The following ARK2C variants were observed in gnomAD, a reference collection of about 807,000 sequenced individuals.
ARK2C encodes the protein arkadia (RNF111) C-terminal like ring finger ubiquitin ligase 2C.
At chr18:46,349,061 G>A in the ARK2C span, among the ~76,000 whole-genome samples, 1 of 152,060 alleles carries the variant, frequency 6.6e-6, no homozygotes. Context: ...CTTATACTGT[G>A]GAGGTAGGGA....
the ARK2C span, chr18:46,450,445 T>C: frequency 2.2e-6 from 3 of 1,373,584 alleles, no homozygotes; most frequent in Non-Finnish European, 3.1e-6. Flanking sequence ...GGAGATGCCA[T>C]TATTGTTATC....
At chr18:46,447,654 A>G in the ARK2C span, 1 of 1,614,028 alleles carries the variant, frequency 6.2e-7, no homozygotes, top group African/African-American at 1.3e-5. Context: ...CACTCCTCGA[A>G]TGCACCACTT....
chr18:46,384,373 A>G, the ARK2C span, among the ~76,000 whole-genome samples: 1 of 152,142 alleles, frequency 6.6e-6, no homozygotes, highest in Non-Finnish European at 1.5e-5. Flanking sequence ...GATTCTTGAT[A>G]CTTCTTCCTT....
At chr18:46,384,016 T>C in the ARK2C span, among the ~76,000 whole-genome samples, 1 of 152,246 alleles carries the variant, frequency 6.6e-6, no homozygotes, top group Admixed American at 6.5e-5. Flanking sequence ...GTCCTCTTTC[T>C]GTATTATTTC....
At chr18:46,398,482 G>A in the ARK2C span, among the ~76,000 whole-genome samples, 1 of 152,158 alleles carries the variant, frequency 6.6e-6, no homozygotes, top group Non-Finnish European at 1.5e-5. Flanking sequence ...GGCACAGGAA[G>A]CTGACACAGG....
chr18:46,409,241 G>A, the ARK2C span, among the ~76,000 whole-genome samples: 2 of 152,200 alleles, frequency 1.3e-5, no homozygotes, highest in Non-Finnish European at 2.9e-5. Context: ...GGAGAAAAAA[G>A]GGGAACAGCA....
the ARK2C span, among the ~76,000 whole-genome samples, chr18:46,339,341 C>A: frequency 6.6e-6 from 1 of 152,074 alleles, no homozygotes; most frequent in Non-Finnish European, 1.5e-5. Flanking sequence ...TTAAGTATGT[C>A]AGAATTGTTT....
At chr18:46,418,720 A>G in the ARK2C span, among the ~76,000 whole-genome samples, 1 of 152,256 alleles carries the variant, frequency 6.6e-6, no homozygotes, top group Non-Finnish European at 1.5e-5. Flanking sequence ...TCTGAATCAA[A>G]TACAATTATG....
At chr18:46,413,974 G>T in the ARK2C span, among the ~76,000 whole-genome samples, 1 of 152,180 alleles carries the variant, frequency 6.6e-6, no homozygotes, top group East Asian at 1.9e-4. Context: ...AAGTCATGCA[G>T]CATGCTCGGG....
At chr18:46,405,306 G>T in the ARK2C span, among the ~76,000 whole-genome samples, 3 of 152,272 alleles carry the variant, frequency 2.0e-5, no homozygotes, top group Non-Finnish European at 4.4e-5. Context: ...GGCCAGACAG[G>T]TTGTCCCTGC....
the ARK2C span, among the ~76,000 whole-genome samples, chr18:46,419,645 C>A: frequency 1.3e-5 from 2 of 152,194 alleles, no homozygotes; most frequent in Non-Finnish European, 2.9e-5. Flanking sequence ...CAGCGCACAG[C>A]TGGACCAGGC....
chr18:46,463,110 C>G, the ARK2C span: 1 of 152,178 alleles, frequency 6.6e-6, no homozygotes, highest in African/African-American at 2.4e-5. Flanking sequence ...TTATTTATAA[C>G]TAATAAAAAT....
chr18:46,440,011 G>T, the ARK2C span, among the ~76,000 whole-genome samples: 2 of 152,136 alleles, frequency 1.3e-5, no homozygotes, highest in East Asian at 3.9e-4. Flanking sequence ...TGTATTTTTA[G>T]TAGAGACAGG....
the ARK2C span, among the ~76,000 whole-genome samples, chr18:46,431,060 C>T: frequency 6.6e-6 from 1 of 152,122 alleles, no homozygotes; most frequent in Non-Finnish European, 1.5e-5. Context: ...CACCCCTGGA[C>T]AGGCCCCGGT....
the ARK2C span, among the ~76,000 whole-genome samples, chr18:46,419,713 C>G: frequency 6.6e-6 from 1 of 152,202 alleles, no homozygotes. Flanking sequence ...CAGGGGCAGC[C>G]AAGGGGCTGA....
the ARK2C span, chr18:46,460,251 G>A: frequency 2.0e-5 from 3 of 152,586 alleles, no homozygotes; most frequent in Non-Finnish European, 2.9e-5. Context: ...CCCCCCGCCT[G>A]TAGGCGGGAC....
the ARK2C span, chr18:46,456,056 T>C: frequency 6.2e-7 from 1 of 1,610,354 alleles, no homozygotes; most frequent in South Asian, 1.1e-5. Flanking sequence ...TGTCTGTCTA[T>C]GCTGGAAGAT....
At chr18:46,456,161 T>C in the ARK2C span, 2 of 879,330 alleles carry the variant, frequency 2.3e-6, no homozygotes, top group Admixed American at 2.0e-5. Flanking sequence ...GTCTGGGAGT[T>C]GGGGTGCTTG....
chr18:46,452,037 G>A, the ARK2C span, among the ~76,000 whole-genome samples: 1 of 152,160 alleles, frequency 6.6e-6, no homozygotes, highest in South Asian at 2.1e-4. Flanking sequence ...GGAGTCTCAG[G>A]GGAGTGAAAG....
Sources: allele counts gnomAD v4.1 joint callset (sites outside exome capture counted in the v4.1 genomes callset), GRCh38; gene constraint gnomAD v4.1.1; transcripts MANE v1.5; gene names NCBI Gene and HGNC (gene_info 2026-07-23, HGNC 2026-07-21).